Variants in HVCN1 observed in about 807,000 individuals in gnomAD.
HVCN1 encodes voltage-gated hydrogen channel 1.
HVCN1 carries 14 observed loss-of-function variants against 29.2 expected under a neutral mutation model. The ratio of observed to expected loss-of-function variants is 0.48; its 90% CI spans 0.32 to 0.75. The LOEUF (loss-of-function observed/expected upper bound fraction) is 0.75. Among genes scored for constraint, HVCN1 ranks in the 30% least tolerant of loss-of-function variants. The pLI, the probability that HVCN1 is intolerant of heterozygous loss-of-function variation, is 0.04. For missense variants in HVCN1, 263 were observed against 341.8 expected, an observed-to-expected ratio of 0.77 and a Z score of 1.82; for synonymous variants, 131 against 133.2, an observed-to-expected ratio of 0.98 and a Z score of 0.11.
intron 3 of HVCN1, among the ~76,000 whole-genome samples, chr12:110,667,521 C>T (rs913206235): frequency 2.6e-5 from 4 of 152,202 alleles, no homozygotes; most frequent in African/African-American, 9.7e-5. Context: ...CCTTGACCTC[C>T]CGGGATCAAG....
At chr12:110,654,621 G>A (rs2067927794) in intron 5 of HVCN1, among the ~76,000 whole-genome samples, 1 of 151,964 alleles carries the variant, frequency 6.6e-6, no homozygotes, top group African/African-American at 2.4e-5. Flanking sequence ...TGGGATTACA[G>A]GCGCATGCCA....
chr12:110,683,333 A>G, intron 2 of HVCN1, 69 bp from the exon 3 acceptor site: 1 of 1,502,744 alleles, frequency 6.7e-7, no homozygotes, highest in Non-Finnish European at 8.9e-7. Context: ...TGTGCTCTGT[A>G]ATCCTTTCTT....
chr12:110,702,047 T>C (rs566730481), intron 2 of HVCN1, among the ~76,000 whole-genome samples: 2 of 149,858 alleles, frequency 1.3e-5, no homozygotes, highest in African/African-American at 4.9e-5. Flanking sequence ...CGGGTTCAAG[T>C]GATTCTCTTG....
chr12:110,654,534 A>G (rs1357057229), intron 5 of HVCN1, among the ~76,000 whole-genome samples: 2 of 138,642 alleles, frequency 1.4e-5, no homozygotes, highest in Non-Finnish European at 3.0e-5. Context: ...GCTGGAGTGC[A>G]GTGGCGCTAT....
chr12:110,680,437 C>T (rs1270523083), intron 3 of HVCN1, among the ~76,000 whole-genome samples: 1 of 152,116 alleles, frequency 6.6e-6, no homozygotes, highest in Non-Finnish European at 1.5e-5. Flanking sequence ...ATGCATACCC[C>T]CAGCTTGACC....
chr12:110,679,926 G>A (rs977871961), intron 3 of HVCN1, among the ~76,000 whole-genome samples: 6 of 151,724 alleles, frequency 4.0e-5, no homozygotes, highest in African/African-American at 1.5e-4. Flanking sequence ...GGGGCTCTGA[G>A]GAGGGCCGAT....
At chr12:110,652,143 C>CA (rs2067834228) in intron 5 of HVCN1, among the ~76,000 whole-genome samples, 1 of 152,214 alleles carries the variant, frequency 6.6e-6, no homozygotes, top group Admixed American at 6.5e-5. Context: ...CCTGTAATCC[C>CA]AGCACTTTGG....
intron 2 of HVCN1, chr12:110,688,374 C>G (rs2069279264): frequency 6.6e-6 from 1 of 152,292 alleles, no homozygotes; most frequent in Non-Finnish European, 1.5e-5. Context: ...CCCTCTCTGT[C>G]TTGGCGTTTA....
At chr12:110,689,164 C>T (rs2069329883), upstream of HVCN1, 3 of 143,856 alleles carry the variant, frequency 2.1e-5, no homozygotes, top group Admixed American at 2.1e-4. The surrounding 1 kb of genome is among the most constrained non-coding windows in gnomAD (Gnocchi z 5.7). Flanking sequence ...CCGTACCGTA[C>T]CAGGCCCCGC....
intron 2 of HVCN1, among the ~76,000 whole-genome samples, chr12:110,684,947 T>C (rs2069124734): frequency 6.6e-6 from 1 of 152,176 alleles, no homozygotes; most frequent in African/African-American, 2.4e-5. Flanking sequence ...TATTTTATTT[T>C]TTTTGTAAAC....
intron 3 of HVCN1, among the ~76,000 whole-genome samples, chr12:110,667,044 T>G (rs770135463): frequency 2.7e-4 from 41 of 152,116 alleles, no homozygotes; most frequent in Non-Finnish European, 5.0e-4. Flanking sequence ...CATGCTGGGC[T>G]CATCTCGGCC....
chr12:110,666,414 C>A (rs2068356877), intron 3 of HVCN1, among the ~76,000 whole-genome samples: 1 of 151,422 alleles, frequency 6.6e-6, no homozygotes, highest in Non-Finnish European at 1.5e-5. Context: ...CAGAGTGAGA[C>A]TCCGCCTAAA....
intron 3 of HVCN1, among the ~76,000 whole-genome samples, chr12:110,666,487 T>C (rs184529608): frequency 6.6e-6 from 1 of 151,670 alleles, no homozygotes; most frequent in East Asian, 1.9e-4. Context: ...ATAAAAAACA[T>C]CAACTGGAAA....
intron 2 of HVCN1, among the ~76,000 whole-genome samples, chr12:110,696,306 G>A (rs2069490825): frequency 6.6e-6 from 1 of 151,974 alleles, no homozygotes; most frequent in Non-Finnish European, 1.5e-5. Flanking sequence ...TAACATAAAC[G>A]TTACCATTTT....
intron 2 of HVCN1, among the ~76,000 whole-genome samples, chr12:110,686,611 CG>C (rs2069194775): frequency 6.6e-6 from 1 of 152,134 alleles, no homozygotes; most frequent in Non-Finnish European, 1.5e-5. Flanking sequence ...CTAGCACACA[CG>C]CAGAGGAACA....
rs527312978 is a variant in HVCN1, at chr12:110,665,813, C to A, written c.22-4365G>T. On this transcript the variant is annotated intron_variant, in intron 3 of 7. Transcript: ENST00000242607. ...CCTGAGGTCAGGAGTTCAAGACCAG[C>A]CTGACCAATGTGGAGAAACCCCATC... Among the ~76,000 whole-genome samples the A allele has an allele frequency of 3.9e-5, 6 of 151,986 alleles. No individual in the cohort carries two copies. In the East Asian group the frequency reaches 1.2e-3, roughly 29 times the overall value.
Position 110,660,483 on chromosome 12 carries a change from C to T in HVCN1, c.306+681G>A, listed in dbSNP as rs1025924976. On this transcript the variant is annotated intron_variant, in intron 4 of 7. Transcript: ENST00000242607. ...ATGGGTCTCCATGAGGCAGGGGAGC[C>T]TCTGGCACTGAGTGTTCGCAGAGTG... is the stretch of plus-strand genomic sequence containing the variant. 3.3e-5 allele frequency among the ~76,000 whole-genome samples: 5 copies of T among 152,344 alleles called. No individual in the cohort carries two copies. The South Asian group carries it at 1.0e-3, about 32-fold the overall frequency.
intron 1 of HVCN1, among the ~76,000 whole-genome samples, chr12:110,704,715 C>A (rs2069590226): frequency 6.6e-6 from 1 of 152,164 alleles, no homozygotes; most frequent in Admixed American, 6.5e-5. Context: ...TAAACAAATG[C>A]AGGGGTAGTA....
At chr12:110,674,096 C>T (rs766618135) in intron 3 of HVCN1, among the ~76,000 whole-genome samples, 9 of 152,236 alleles carry the variant, frequency 5.9e-5, no homozygotes, top group African/African-American at 7.2e-5. Context: ...GCCACAGGGG[C>T]GGGGCTGCCC....
Sources: allele counts gnomAD v4.1 joint callset (sites outside exome capture counted in the v4.1 genomes callset), GRCh38; gene constraint gnomAD v4.1.1; non-coding constraint Gnocchi (gnomAD v3.1); transcripts MANE v1.5; gene names NCBI Gene and HGNC (gene_info 2026-07-23, HGNC 2026-07-21).